The following CHAT variants were observed in gnomAD, a reference collection of about 807,000 sequenced individuals.
The protein encoded by CHAT is acetyl CoA:choline O-acetyltransferase.
A neutral mutation model predicts 76.9 loss-of-function variants in CHAT; 61 were observed. The ratio of observed to expected loss-of-function variants is 0.79; its 90% CI spans 0.65 to 0.98. CHAT has a LOEUF of 0.98. Ranked by LOEUF, CHAT falls within the 50% of genes least tolerant of loss-of-function variation. The probability of loss-of-function intolerance (pLI) is 0.00; values close to 1 mark genes in which losing one functional copy is unlikely to be tolerated. For missense variants in CHAT, 946 were observed against 986.9 expected (o/e 0.96, Z 0.56); for synonymous variants, 407 against 397.4 (o/e 1.02, Z -0.29).
At chr10:49,611,686 A>T (rs141309326), upstream of CHAT, 2 of 1,610,396 alleles carry the variant, frequency 1.2e-6, no homozygotes, top group African/African-American at 2.7e-5. Context: ...TGCCACGTGG[A>T]TGAAGCATAC....
intron 7 of CHAT, among the ~76,000 whole-genome samples, chr10:49,632,154 C>T (rs1340481875): frequency 2.0e-5 from 3 of 152,130 alleles, no homozygotes; most frequent in South Asian, 4.2e-4. Flanking sequence ...GAGCACCCCT[C>T]GGGAAGTGCC....
At chr10:49,636,090 T>C (rs1207271167) in intron 7 of CHAT, among the ~76,000 whole-genome samples, 1 of 152,154 alleles carries the variant, frequency 6.6e-6, no homozygotes, top group African/African-American at 2.4e-5. Context: ...TATAAAAGAT[T>C]AACGTACAAA....
intron 7 of CHAT, among the ~76,000 whole-genome samples, chr10:49,639,731 C>T (rs1839417941): frequency 6.6e-6 from 1 of 152,050 alleles, no homozygotes; most frequent in South Asian, 2.1e-4. Context: ...GGTTAACTTA[C>T]CTTCCTGAAT....
Position 49,617,097 on chromosome 10 carries a change from G to A in CHAT, c.387+495G>A, listed in dbSNP as rs1337396869. 2.0e-5 allele frequency among the ~76,000 whole-genome samples: 3 copies of A among 152,122 alleles called. No individual in the cohort carries two copies. In the East Asian group the frequency reaches 5.8e-4, roughly 29 times the overall value. Reference sequence around the variant, plus strand: ...CTCCCGCCCCAGCCAGCCTTCGGGTGGCAGAGCAACACACCTGACTTCAGG... The same window carrying A: ...CTCCCGCCCCAGCCAGCCTTCGGGTAGCAGAGCAACACACCTGACTTCAGG... On this transcript the variant is annotated intron_variant, in intron 2 of 14. Coordinates refer to ENST00000337653, the MANE Select transcript of CHAT (RefSeq NM_020549.5).
rs778719316 is a variant in CHAT, at chr10:49,664,802, G to A, written c.2003G>A (p.Cys668Tyr). Residue 668 changes from cysteine (C) to tyrosine (Y), a missense_variant, in exon 15 of 15, where the codon TGC becomes TAC. Physicochemically the swap from Cys to Tyr is radical, Grantham distance 194. This residue lies in a region of CHAT where 349 missense variants were observed against 393.9 expected (regional missense o/e 0.89). Transcript: ENST00000337653. Reference protein sequence around the residue: ...SQVPTTTEMFCCYGPVVPNGY... With the variant: ...SQVPTTTEMFYCYGPVVPNGY... ...GTGCCCACAACCACGGAGATGTTCTGCTGCTATGGTCCTGTGGTCCCAAAT... is the reference window on the plus strand; with the variant it reads ...GTGCCCACAACCACGGAGATGTTCTACTGCTATGGTCCTGTGGTCCCAAAT... 6.2e-7 allele frequency: 1 copy of A among 1,614,200 alleles called. No homozygotes were observed. Among genetic ancestry groups the A allele is most frequent in the Non-Finnish European group, 8.5e-7 (1 of 1,180,026 alleles).
intron 7 of CHAT, among the ~76,000 whole-genome samples, chr10:49,643,799 C>T (rs1238539370): frequency 6.6e-6 from 1 of 152,188 alleles, no homozygotes; most frequent in Non-Finnish European, 1.5e-5. Flanking sequence ...TTGCCCAGGC[C>T]AAGGGAAGCA....
At chr10:49,654,825 T>A (rs201159370) in intron 11 of CHAT, among the ~76,000 whole-genome samples, 1 of 6,134 alleles carries the variant, frequency 1.6e-4, no homozygotes, top group African/African-American at 2.5e-4. Context: ...AGGTTGGGAA[T>A]TTTTTTTGAA....
chr10:49,639,991 T>C (rs1312683078), intron 7 of CHAT, among the ~76,000 whole-genome samples: 3 of 152,200 alleles, frequency 2.0e-5, no homozygotes, highest in East Asian at 1.9e-4. Context: ...GCTTTCTATA[T>C]TGGTTATTCT....
intron 7 of CHAT, among the ~76,000 whole-genome samples, chr10:49,628,750 T>C (rs757544660): frequency 3.9e-5 from 6 of 152,196 alleles, no homozygotes; most frequent in Non-Finnish European, 8.8e-5. Flanking sequence ...CAAAGCCCCA[T>C]GGCATGAGTG....
upstream of CHAT, chr10:49,610,454 G>A: frequency 2.7e-6 from 1 of 364,786 alleles, no homozygotes; most frequent in Non-Finnish European, 4.9e-6. Context: ...GGCGAAGTGC[G>A]CCCAGTCTCC....
chr10:49,611,426 C>A (rs936531332), upstream of CHAT: 1 of 1,597,650 alleles, frequency 6.3e-7, no homozygotes, highest in East Asian at 2.2e-5. Context: ...CTAGTGGCCC[C>A]GCCCTTCGGG....
chr10:49,616,502 G>A lies in CHAT; in HGVS notation c.287G>A (p.Gly96Asp). 1.2e-6 allele frequency: 2 copies of A among 1,610,588 alleles called. No homozygotes were observed. Among genetic ancestry groups the A allele is most frequent in the Non-Finnish European group, 1.7e-6 (2 of 1,178,174 alleles). The part of the protein sequence containing the change: ...SAEAAEPRRA[G>D]PHLCIPAPGL... ...ATGCTTCCCACTTCTTGGTCCCCAG[G>A]TCCACACCTCTGCATCCCTGCACCA... is the stretch of plus-strand genomic sequence containing the variant. Residue 96 changes from glycine (G) to aspartate (D), a missense_variant and splice_region_variant, in exon 2 of 15, where the codon GGT becomes GAT. Physicochemically the swap from Gly to Asp is moderately conservative, Grantham distance 94. Around this residue, in one of 3 missense-constraint regions of CHAT, gnomAD observed 548 missense variants for 516.2 expected, o/e 1.06. Coordinates refer to ENST00000337653, the MANE Select transcript of CHAT (RefSeq NM_020549.5).
intron 7 of CHAT, among the ~76,000 whole-genome samples, chr10:49,642,690 C>A (rs1368754191): frequency 6.6e-6 from 1 of 152,264 alleles, no homozygotes; most frequent in Non-Finnish European, 1.5e-5. Flanking sequence ...TCAGGAGCTG[C>A]AGTCTGCCCA....
chr10:49,661,956 A>G (rs1840207463), intron 13 of CHAT, among the ~76,000 whole-genome samples: 1 of 152,252 alleles, frequency 6.6e-6, no homozygotes, highest in South Asian at 2.1e-4. Flanking sequence ...AAGAACTTTT[A>G]TTATTCAACA....
upstream of CHAT, chr10:49,612,151 A>G (rs1365273119): frequency 6.2e-7 from 1 of 1,611,532 alleles, no homozygotes; most frequent in African/African-American, 1.3e-5. Flanking sequence ...GCTGCTCCGC[A>G]ACGTGGGCCT....
chr10:49,638,376 TTGTCGTATATTCCATCAATCTC>T (rs1839364484), intron 7 of CHAT, among the ~76,000 whole-genome samples: 1 of 152,248 alleles, frequency 6.6e-6, no homozygotes, highest in Non-Finnish European at 1.5e-5. Context: ...GGGTAATGTT[TTGTCGTATATTCCATCAATCTC>T]TGTCTTCTAA....
chr10:49,638,483 A>G (rs1839367550), intron 7 of CHAT, among the ~76,000 whole-genome samples: 1 of 151,762 alleles, frequency 6.6e-6, no homozygotes, highest in Admixed American at 6.6e-5. Context: ...TTTAGTTTTT[A>G]TTTTCTGTTT....
intron 13 of CHAT, among the ~76,000 whole-genome samples, chr10:49,661,679 G>A (rs1362958944): frequency 6.6e-6 from 1 of 152,086 alleles, no homozygotes. Flanking sequence ...CAGTTACCCT[G>A]ATGTTGACCC....
Position 49,614,445 on chromosome 10 carries a change from T to TCGGC in CHAT, c.259_262dup (p.Glu88GlyfsTer32), listed in dbSNP as rs761691250. ...CACTCCTGAGTGGTGCGGTGCAGCGTCGGCCGAGGCAGCAGAGCCGAGGAG... is the reference window on the plus strand; with the variant it reads ...CACTCCTGAGTGGTGCGGTGCAGCGTCGGCCGGCCGAGGCAGCAGAGCCGAGGAG... On this transcript the variant is annotated frameshift_variant, in exon 1 of 15. Transcript: ENST00000337653. LOFTEE classifies it high-confidence loss of function. 7.1e-6 allele frequency: 11 copies of TCGGC among 1,547,518 alleles called. No homozygotes were observed. In the South Asian group the frequency reaches 1.3e-4, roughly 18 times the overall value.
Sources: allele counts gnomAD v4.1 joint callset (sites outside exome capture counted in the v4.1 genomes callset), GRCh38; gene constraint gnomAD v4.1.1; regional missense constraint gnomAD v4.1.1; transcripts MANE v1.5; gene names NCBI Gene and HGNC (gene_info 2026-07-23, HGNC 2026-07-21).